The following CNTN6 variants were observed in gnomAD, a reference collection of about 807,000 sequenced individuals.
CNTN6 encodes contactin 6.
CNTN6 carries 137 observed loss-of-function variants against 122.8 expected under a neutral mutation model. That is an observed-to-expected ratio of 1.12 (90% CI 0.97 to 1.29). CNTN6 has a LOEUF of 1.29. CNTN6 is among the 50% of genes most tolerant of loss of function. The pLI is 0.00. For synonymous variants in CNTN6, 570 were observed against 426.0 expected (o/e 1.34, Z -4.16); for missense variants, 1,634 against 1,223.4 (o/e 1.34, Z -5.01).
At chr3:1,193,248 G>A (rs1258114035) in intron 2 of CNTN6, among the ~76,000 whole-genome samples, 2 of 152,090 alleles carry the variant, frequency 1.3e-5, no homozygotes, top group African/African-American at 4.8e-5. Context: ...GACACAGCTT[G>A]CCATTTAATG....
At chr3:1,278,794 G>T (rs749795666) in intron 5 of CNTN6, among the ~76,000 whole-genome samples, 1 of 152,096 alleles carries the variant, frequency 6.6e-6, no homozygotes, top group South Asian at 2.1e-4. Flanking sequence ...GCTGTAATTC[G>T]GTGCTGTGAC....
At chr3:1,234,197 T>C (rs962472094) in intron 4 of CNTN6, among the ~76,000 whole-genome samples, 4 of 152,152 alleles carry the variant, frequency 2.6e-5, no homozygotes, top group African/African-American at 9.7e-5. Context: ...TTGAAACAAC[T>C]TTTTAAATTT....
intron 12 of CNTN6, among the ~76,000 whole-genome samples, chr3:1,356,287 A>G (rs879205968): frequency 6.6e-6 from 1 of 151,846 alleles, no homozygotes; most frequent in African/African-American, 2.4e-5. Flanking sequence ...TGGATGTTCA[A>G]TTATAGGCCT....
chr3:1,294,657 G>T (rs920619130), intron 5 of CNTN6, among the ~76,000 whole-genome samples: 1 of 152,148 alleles, frequency 6.6e-6, no homozygotes, highest in African/African-American at 2.4e-5. Context: ...CCTGTTTCAT[G>T]TTTATGCTCT....
At chr3:1,097,904 A>G (rs1038061742) in intron 1 of CNTN6, among the ~76,000 whole-genome samples, 1 of 152,294 alleles carries the variant, frequency 6.6e-6, no homozygotes, top group Middle Eastern at 3.4e-3. Context: ...CATCTAATCA[A>G]TTGTATTGGG....
intron 20 of CNTN6, among the ~76,000 whole-genome samples, chr3:1,392,239 A>G (rs1694264435): frequency 1.3e-5 from 2 of 152,266 alleles, no homozygotes; most frequent in African/African-American, 4.8e-5. Context: ...CAGAGCCCTC[A>G]GAAATAACGC....
chr3:1,191,267 G>C (rs761969959), intron 2 of CNTN6, among the ~76,000 whole-genome samples: 1 of 152,080 alleles, frequency 6.6e-6, no homozygotes, highest in Admixed American at 6.5e-5. Flanking sequence ...CTCATGGTGG[G>C]CTCCTGGATA....
chr3:1,286,632 C>A (rs1019680432), intron 5 of CNTN6, among the ~76,000 whole-genome samples: 2 of 152,152 alleles, frequency 1.3e-5, no homozygotes, highest in African/African-American at 4.8e-5. Context: ...AATATCCAGT[C>A]TATCATTGAT....
At chr3:1,218,961 A>G (rs1465628340) in intron 2 of CNTN6, among the ~76,000 whole-genome samples, 1 of 150,972 alleles carries the variant, frequency 6.6e-6, no homozygotes, top group Non-Finnish European at 1.5e-5. Flanking sequence ...CTTGTATCAG[A>G]AAGGAAGAAT....
At chr3:1,300,521 GAA>G (rs1697087353) in intron 7 of CNTN6, among the ~76,000 whole-genome samples, 2 of 137,608 alleles carry the variant, frequency 1.5e-5, no homozygotes, top group African/African-American at 3.0e-5. Flanking sequence ...AAGAAAGAAA[GAA>G]AGATAAAGAA....
At chr3:1,213,227 A>G (rs1205436577) in intron 2 of CNTN6, among the ~76,000 whole-genome samples, 1 of 152,212 alleles carries the variant, frequency 6.6e-6, no homozygotes, top group Non-Finnish European at 1.5e-5. Flanking sequence ...CTTTTCTCTG[A>G]GTGAAAGTAA....
chr3:1,105,049 T>C (rs2091150934), intron 1 of CNTN6, among the ~76,000 whole-genome samples: 1 of 152,146 alleles, frequency 6.6e-6, no homozygotes, highest in African/African-American at 2.4e-5. Context: ...AGTAGTACAA[T>C]TTGCATGTCA....
At chr3:1,372,745 G>T in intron 13 of CNTN6, 93 bp from the exon 14 acceptor site, 1 of 793,318 alleles carries the variant, frequency 1.3e-6, no homozygotes. Flanking sequence ...TTTCAGAGTT[G>T]TTTTATGTTT....
chr3:1,106,026 G>T (rs995779631), intron 1 of CNTN6, among the ~76,000 whole-genome samples: 3 of 152,092 alleles, frequency 2.0e-5, no homozygotes, highest in African/African-American at 4.8e-5. Flanking sequence ...AATGTAAGTA[G>T]TTATTTATTT....
At chr3:1,377,153 T>A in intron 17 of CNTN6, 78 bp downstream of exon 17, 1 of 1,006,494 alleles carries the variant, frequency 9.9e-7, no homozygotes, top group Non-Finnish European at 1.5e-6. Flanking sequence ...ACAAAAAGAT[T>A]TATTTGATCA....
intron 7 of CNTN6, among the ~76,000 whole-genome samples, chr3:1,299,367 A>G (rs2125879700): frequency 6.6e-6 from 1 of 152,276 alleles, no homozygotes; most frequent in African/African-American, 2.4e-5. Context: ...AATGAAAGAG[A>G]GTATCTGAAA....
At chr3:1,197,916 C>T (rs192011332) in intron 2 of CNTN6, among the ~76,000 whole-genome samples, 56 of 152,176 alleles carry the variant, frequency 3.7e-4, no homozygotes, top group Admixed American at 7.9e-4. Context: ...CTAACTCATG[C>T]AAAGAAACAA....
At chr3:1,401,610 C>A (rs1695719625) in intron 21 of CNTN6, 65 bp downstream of exon 21, 2 of 1,112,828 alleles carry the variant, frequency 1.8e-6, no homozygotes, top group South Asian at 1.5e-5. Flanking sequence ...CATGTGACAC[C>A]CAAATGGAAA....
intron 2 of CNTN6, among the ~76,000 whole-genome samples, chr3:1,219,527 T>C (rs1252375381): frequency 6.6e-6 from 1 of 152,226 alleles, no homozygotes; most frequent in Non-Finnish European, 1.5e-5. Context: ...ACCCTTTTAT[T>C]ATATGTGCCC....
Sources: gnomAD v4.1 joint callset for allele counts (sites outside exome capture counted in the v4.1 genomes callset) on GRCh38, gnomAD v4.1.1 for gene constraint, MANE v1.5 for transcripts, NCBI Gene and HGNC (gene_info 2026-07-23, HGNC 2026-07-21) for gene names.